The following MICOS10 variants were observed in gnomAD, a reference collection of about 807,000 sequenced individuals.
MICOS10 encodes the protein mitochondrial contact site and cristae organizing system subunit 10, also known as MICOS complex subunit MIC10.
MICOS10 carries 5 observed loss-of-function variants against 13.4 expected under a neutral mutation model. The observed-to-expected ratio is 0.37, with a 90% CI of 0.20 to 0.78. The LOEUF (loss-of-function observed/expected upper bound fraction) is 0.78, where lower values mean the gene tolerates loss of function less well. Ranked by LOEUF, MICOS10 falls within the 30% of genes least tolerant of loss-of-function variation. The pLI, the probability that MICOS10 is intolerant of heterozygous loss-of-function variation, is 0.47. For missense variants in MICOS10, 101 were observed against 94.6 expected (o/e 1.07, Z -0.28); for synonymous variants, 35 against 33.6 (o/e 1.04, Z -0.15).
intron 2 of MICOS10, among the ~76,000 whole-genome samples, chr1:19,622,920 CTTTTTTTTTTTT>C (rs373297142): frequency 3.0e-5 from 4 of 131,926 alleles, no homozygotes; most frequent in Non-Finnish European, 6.4e-5. Context: ...TATTTTACTA[CTTTTTTTTTTTT>C]TTTTTTTTGA....
Position 19,597,108 on chromosome 1 carries a change from A to G in MICOS10, c.63A>G (p.Ile21Met), listed in dbSNP as rs2094794587. The change falls in exon 1 of 4, where the codon ATA (isoleucine) becomes ATG (methionine). Residue 21 changes from isoleucine to methionine, a missense_variant and splice_region_variant. Coordinates refer to ENST00000322753, the MANE Select transcript of MICOS10 (RefSeq NM_001032363.4). ...GTCTGGCGGATGCGGTCGTGAAGAT[A>G]GGTAAGGGGCTTTTCGCCCCAGCAG... ...DRCLADAVVK[I>M]GTGFGLGIVF... is the part of the protein sequence containing the mutation. 2 of 1,600,652 alleles carry G rather than the reference A, an allele frequency of 1.2e-6. No individual in the cohort carries two copies. The highest frequency in any genetic ancestry group is 1.7e-6 in the Non-Finnish European group (2 of 1,174,322).
intron 1 of MICOS10, among the ~76,000 whole-genome samples, chr1:19,614,885 CTGGA>C (rs2094877809): frequency 6.6e-6 from 1 of 152,216 alleles, no homozygotes; most frequent in Non-Finnish European, 1.5e-5. Flanking sequence ...TATGCTTCAG[CTGGA>C]TTGGGCCACT....
rs1023942613 is a variant in MICOS10, at chr1:19,627,801, C to T, written c.*1400C>T. 3 of 152,378 alleles carry T rather than the reference C, an allele frequency of 2.0e-5. No individual in the cohort carries two copies. Among genetic ancestry groups the T allele is most frequent in the African/African-American group, 7.2e-5 (3 of 41,572 alleles). 9.4% of individuals were successfully genotyped at this position (152,378 alleles called of 1,614,324 possible). A position where few individuals can be genotyped will look rare whatever the true frequency, so the allele number is the denominator to read the frequency against. ...CTCATGTCTGACTCCAGTTCTGGAA[C>T]ATTGATTAGACCTTAGTTCTTGCAA... On this transcript the variant is annotated 3_prime_UTR_variant, in exon 4 of 4. Transcript: ENST00000322753.
Position 19,628,726 on chromosome 1 carries a change from G to A in MICOS10, c.*2325G>A, listed in dbSNP as rs887320608. Reference sequence around the variant, plus strand: ...AGCATTTTCCTTCCCCAATTTTTCTGTCATTTTCCCATCCTCATTCAGGCA... The same window carrying A: ...AGCATTTTCCTTCCCCAATTTTTCTATCATTTTCCCATCCTCATTCAGGCA... On this transcript the variant is annotated 3_prime_UTR_variant, in exon 4 of 4. Coordinates refer to ENST00000322753, the MANE Select transcript of MICOS10 (RefSeq NM_001032363.4). 3 of 145,066 alleles carry A rather than the reference G, an allele frequency of 2.1e-5. No homozygotes were observed. Among genetic ancestry groups the A allele is most frequent in the African/African-American group, 7.7e-5 (3 of 38,744 alleles). The allele number at this position is 145,066 out of a possible 1,614,324, so 9.0% of individuals were successfully genotyped here.
chr1:19,623,937 A>G (rs2094913150), intron 3 of MICOS10: 1 of 166,578 alleles, frequency 6.0e-6, no homozygotes, highest in Non-Finnish European at 1.3e-5. Context: ...TCTCACATAT[A>G]CTTAAGCTAA....
chr1:19,619,166 A>G (rs941361441), intron 1 of MICOS10, among the ~76,000 whole-genome samples: 4 of 152,232 alleles, frequency 2.6e-5, no homozygotes, highest in African/African-American at 7.2e-5. Flanking sequence ...TCCTTCATTG[A>G]AAGTCCATAG....
chr1:19,606,476 T>C (rs1195006750), intron 1 of MICOS10, among the ~76,000 whole-genome samples: 1 of 152,218 alleles, frequency 6.6e-6, no homozygotes, highest in Non-Finnish European at 1.5e-5. Flanking sequence ...CTGGGCACGG[T>C]GGCTCACACC....
In MICOS10 at chr1:19,611,469, A is replaced by ATTTTTTTTTTTTTTTTT. The variant is rs768118529; in HGVS notation, c.65-10625_65-10609dup. 1.5e-4 allele frequency among the ~76,000 whole-genome samples: 14 copies of ATTTTTTTTTTTTTTTTT among 90,372 alleles called. 2 individuals are homozygous for ATTTTTTTTTTTTTTTTT. The highest frequency in any genetic ancestry group is 7.3e-4 in the African/African-American group (14 of 19,306). 59.3% of individuals were successfully genotyped at this position (90,372 alleles called of 152,430 possible). A position where few individuals can be genotyped will look rare whatever the true frequency, so the allele number is the denominator to read the frequency against. On this transcript the variant is annotated intron_variant, in intron 1 of 3. Coordinates refer to ENST00000322753, the MANE Select transcript of MICOS10 (RefSeq NM_001032363.4). ...TTCTCTTTATTCCAGTTGCAACTTGATTTTTTTTTTTTTTTTTTTTTTGAG... is the reference window on the plus strand; with the variant it reads ...TTCTCTTTATTCCAGTTGCAACTTGATTTTTTTTTTTTTTTTTTTTTTTTTTTTTTTTTTTTTTTGAG...
At chr1:19,601,005 A>G (rs1398635713) in intron 1 of MICOS10, 1 of 1,289,354 alleles carries the variant, frequency 7.8e-7, no homozygotes, top group African/African-American at 1.5e-5. Context: ...TCTTATACCT[A>G]AAGTGTTTTG....
rs1182524196 is a variant in MICOS10 at position 19,628,634 on chromosome 1, A to G, written c.*2233A>G. On this transcript the variant is annotated 3_prime_UTR_variant, in exon 4 of 4. Coordinates refer to ENST00000322753, the MANE Select transcript of MICOS10 (RefSeq NM_001032363.4). ...GAGGCAGAGGTTGCGGTGAGCTGAG[A>G]TCGCGCCACTGCACTCCAGCCCGGC... is the stretch of plus-strand genomic sequence containing the variant. 1.4e-5 allele frequency: 2 copies of G among 146,274 alleles called. No homozygotes were observed. The highest frequency in any genetic ancestry group is 3.0e-5 in the Non-Finnish European group (2 of 67,350). 9.1% of individuals were successfully genotyped at this position (146,274 alleles called of 1,614,324 possible). A position where few individuals can be genotyped will look rare whatever the true frequency, so the allele number is the denominator to read the frequency against.
intron 1 of MICOS10, among the ~76,000 whole-genome samples, chr1:19,619,297 A>G (rs1006557323): frequency 6.6e-6 from 1 of 152,338 alleles, no homozygotes; most frequent in South Asian, 2.1e-4. Flanking sequence ...TATATAGCCT[A>G]CTTGTTAATT....
chr1:19,610,351 AC>A (rs1213607382), intron 1 of MICOS10, among the ~76,000 whole-genome samples: 52 of 10,668 alleles, frequency 4.9e-3, no homozygotes, highest in African/African-American at 0.015. Flanking sequence ...AAGTCACCCC[AC>A]CCCCCACCCC....
Position 19,604,712 on chromosome 1 carries a change from G to T in MICOS10, c.64+7603G>T, listed in dbSNP as rs552301009. Among the ~76,000 whole-genome samples, 95 of 152,252 alleles carry T rather than the reference G, an allele frequency of 6.2e-4. 1 individual carries two copies. The South Asian group carries it at 0.019, about 30-fold the overall frequency. ...AATGTGTACTTCTTGAAACAATTTA[G>T]TACCAGGTATTGTGGTAAGCCTTGG... On this transcript the variant is annotated intron_variant, in intron 1 of 3. Coordinates refer to ENST00000322753, the MANE Select transcript of MICOS10 (RefSeq NM_001032363.4).
At chr1:19,597,670 C>G (rs1000280616) in intron 1 of MICOS10, among the ~76,000 whole-genome samples, 1 of 152,132 alleles carries the variant, frequency 6.6e-6, no homozygotes, top group Non-Finnish European at 1.5e-5. Context: ...ATGAGAATTG[C>G]GCTGGAAAGT....
chr1:19,625,926 C>T (rs1438014574), intron 3 of MICOS10, among the ~76,000 whole-genome samples: 1 of 152,110 alleles, frequency 6.6e-6, no homozygotes, highest in Admixed American at 6.5e-5. Flanking sequence ...CCAATCTGCC[C>T]CCAGGACCAT....
intron 1 of MICOS10, among the ~76,000 whole-genome samples, chr1:19,621,242 C>A (rs1321316347): frequency 6.6e-6 from 1 of 152,184 alleles, no homozygotes; most frequent in East Asian, 1.9e-4. Flanking sequence ...AGGTCAACTT[C>A]TTGTGTCTGT....
chr1:19,612,393 GT>G (rs1486928321), intron 1 of MICOS10, among the ~76,000 whole-genome samples: 2 of 151,408 alleles, frequency 1.3e-5, no homozygotes, highest in Admixed American at 6.6e-5. Flanking sequence ...ATTTGGAGAG[GT>G]TTTTTATGGG....
intron 1 of MICOS10, among the ~76,000 whole-genome samples, chr1:19,614,058 C>G (rs548798376): frequency 6.6e-6 from 1 of 152,114 alleles, no homozygotes; most frequent in African/African-American, 2.4e-5. Flanking sequence ...TTTTATAAAT[C>G]AAGTTAAATT....
At chr1:19,604,584 C>T (rs145518239) in intron 1 of MICOS10, among the ~76,000 whole-genome samples, 70 of 152,254 alleles carry the variant, frequency 4.6e-4, no homozygotes, top group African/African-American at 1.5e-3. Context: ...CACATTTACC[C>T]TGATCTTGGC....
Sources: gnomAD v4.1 joint callset for allele counts (sites outside exome capture counted in the v4.1 genomes callset) on GRCh38, gnomAD v4.1.1 for gene constraint, MANE v1.5 for transcripts, NCBI Gene and HGNC (gene_info 2026-07-23, HGNC 2026-07-21) for gene names.